The following TTF2 variants were observed in gnomAD, a reference collection of about 807,000 sequenced individuals.
TTF2 encodes the protein transcription termination factor 2.
In TTF2, 108 loss-of-function variants were observed where a neutral mutation model predicts 142.4. The observed-to-expected ratio is 0.76, with a 90% CI of 0.65 to 0.89. The LOEUF is 0.89. Among genes scored for constraint, TTF2 ranks in the 40% least tolerant of loss-of-function variants. The pLI is 0.00. For synonymous variants in TTF2, 483 were observed against 506.2 expected (o/e 0.95, Z 0.61); for missense variants, 1,327 against 1,379.8 (o/e 0.96, Z 0.61).
rs1445489411 is a variant in TTF2 at position 117,080,134 on chromosome 1, C to T, written c.1783+485C>T. Among the ~76,000 whole-genome samples the T allele has an allele frequency of 2.6e-5, 4 of 151,968 alleles. No homozygotes were observed. The highest frequency in any genetic ancestry group is 5.9e-5 in the Non-Finnish European group (4 of 68,014). ...AAGTGATTCTCCTGCCTCACCCTCCCCAGTAGCTGGGATTACAGGCAGATG... is the reference window on the plus strand; with the variant it reads ...AAGTGATTCTCCTGCCTCACCCTCCTCAGTAGCTGGGATTACAGGCAGATG... On this transcript the variant is annotated intron_variant, in intron 9 of 22. Coordinates refer to ENST00000369466, the MANE Select transcript of TTF2 (RefSeq NM_003594.4). This position sits in a 1 kb window ranked among gnomAD's most constrained non-coding sequence, Gnocchi z 4.3.
chr1:117,060,427 A>G lies in TTF2; in HGVS notation c.29-28A>G, dbSNP rs377349017. On this transcript the variant is annotated intron_variant, in intron 1 of 22. Coordinates refer to ENST00000369466, the MANE Select transcript of TTF2 (RefSeq NM_003594.4). ...GGGCCTGTTGATTTAGCGTGGCGTAATCGTTGTTCACTTTCTTCTCTCTTC... is the reference window on the plus strand; with the variant it reads ...GGGCCTGTTGATTTAGCGTGGCGTAGTCGTTGTTCACTTTCTTCTCTCTTC... 2.5e-6 allele frequency: 4 copies of G among 1,610,758 alleles called. No homozygotes were observed. In the African/African-American group the frequency reaches 4.0e-5, roughly 16 times the overall value.
chr1:117,071,897 T>C (rs902545258), intron 3 of TTF2, among the ~76,000 whole-genome samples: 1 of 152,128 alleles, frequency 6.6e-6, no homozygotes, highest in Non-Finnish European at 1.5e-5. Context: ...TTAAAAGTAA[T>C]GGCACAGAGG....
chr1:117,092,682 G>A lies in TTF2; in HGVS notation c.2806-49G>A, dbSNP rs1428459037. ...CAAAACATCATCAACAAGTAACAAG[G>A]TTTGCTCCCTTGACTCCCAGCTGCT... On this transcript the variant is annotated intron_variant, in intron 17 of 22. Coordinates refer to ENST00000369466, the MANE Select transcript of TTF2 (RefSeq NM_003594.4). The surrounding 1 kb of genome is among the most constrained non-coding windows in gnomAD (Gnocchi z 4.4). The A allele has an allele frequency of 1.3e-6, 2 of 1,581,544 alleles. No homozygotes were observed.
intron 8 of TTF2, 55 bp downstream of exon 8, chr1:117,078,098 C>T: frequency 8.2e-6 from 13 of 1,584,850 alleles, no homozygotes; most frequent in Non-Finnish European, 1.1e-5. Flanking sequence ...CCAGCAGCCC[C>T]ATGAAACTGC....
At position 117,090,303 on chromosome 1, in the gene TTF2, A is replaced by G; in HGVS notation, c.2496+95A>G. The G allele has an allele frequency of 5.3e-6, 8 of 1,508,560 alleles. No individual in the cohort carries two copies. Among genetic ancestry groups the G allele is most frequent in the Non-Finnish European group, 1.8e-6 (2 of 1,120,998 alleles). The allele number at this position is 1,508,560 out of a possible 1,614,324, so 93.4% of individuals were successfully genotyped here. A position where few individuals can be genotyped will look rare whatever the true frequency, so the allele number is the denominator to read the frequency against. ...GAACAGCCATCTGCTTTGCTTCAGG[A>G]GCCTCTGAGTTTCCCATCCTCCTGT... On this transcript the variant is annotated intron_variant, in intron 14 of 22. Coordinates refer to ENST00000369466, the MANE Select transcript of TTF2 (RefSeq NM_003594.4). This position sits in a 1 kb window ranked among gnomAD's most constrained non-coding sequence, Gnocchi z 4.8.
chr1:117,098,929 C>T, intron 22 of TTF2, 22 bp downstream of exon 22: 1 of 1,600,300 alleles, frequency 6.2e-7, no homozygotes. Context: ...TCCCCAGGAC[C>T]CAGGACCCTT....
At position 117,090,713 on chromosome 1, in the gene TTF2, T is replaced by G. The variant is rs1295932608; in HGVS notation, c.2588+90T>G. The G allele has an allele frequency of 7.3e-6, 8 of 1,094,018 alleles. No individual in the cohort carries two copies. Among genetic ancestry groups the G allele is most frequent in the Non-Finnish European group, 2.7e-6 (2 of 741,726 alleles). 67.8% of individuals were successfully genotyped at this position (1,094,018 alleles called of 1,614,324 possible). On this transcript the variant is annotated intron_variant, in intron 15 of 22. Coordinates refer to ENST00000369466, the MANE Select transcript of TTF2 (RefSeq NM_003594.4). This position sits in a 1 kb window ranked among gnomAD's most constrained non-coding sequence, Gnocchi z 4.8. The stretch of plus-strand genomic sequence containing the variant: ...AGTTGAAGGTCAAATTTCCACAAAC[T>G]TTATGGCATTATTGATTAGTTGGAT...
rs148836422 is a variant in TTF2, at chr1:117,100,117, C to T, written c.3344+1210C>T. On this transcript the variant is annotated intron_variant, in intron 22 of 22. Coordinates refer to ENST00000369466, the MANE Select transcript of TTF2 (RefSeq NM_003594.4). This position sits in a 1 kb window ranked among gnomAD's most constrained non-coding sequence, Gnocchi z 4.6. ...ATAAAACATACCTTTTGAGCACCCA[C>T]TATGTAGCAAGTATAATTACATGTT... 1.1e-4 allele frequency among the ~76,000 whole-genome samples: 17 copies of T among 152,316 alleles called. No homozygotes were observed. Among genetic ancestry groups the T allele is most frequent in the African/African-American group, 3.6e-4 (15 of 41,576 alleles).
intron 2 of TTF2, among the ~76,000 whole-genome samples, 187 bp downstream of exon 2, chr1:117,060,744 C>T (rs1325121235): frequency 6.6e-6 from 1 of 152,210 alleles, no homozygotes; most frequent in Non-Finnish European, 1.5e-5. Context: ...CCAGCTAATT[C>T]TGGCTGTGTG....
rs746959114 is a variant in TTF2 at position 117,092,889 on chromosome 1, A to G, written c.2964A>G (p.Arg988=). 5.6e-6 allele frequency: 9 copies of G among 1,614,068 alleles called. No homozygotes were observed. In the African/African-American group the frequency reaches 1.1e-4, roughly 19 times the overall value. The part of the protein sequence containing the change: ...FFKMELFEGM[R]ESTKISSLLA... The stretch of plus-strand genomic sequence containing the variant: ...AGATGGAGCTTTTTGAAGGCATGCG[A>G]GAGAGCACCAAGGTACTTTTTGTCT... Residue 988 remains arginine (R), a synonymous_variant, in exon 18 of 23, where the codon CGA becomes CGG. Transcript: ENST00000369466. This position sits in a 1 kb window ranked among gnomAD's most constrained non-coding sequence, Gnocchi z 4.4.
rs1169132373 is a variant in TTF2, at chr1:117,100,114, CCACT to C, written c.3344+1208_3344+1211del. Among the ~76,000 whole-genome samples the C allele has an allele frequency of 1.2e-4, 19 of 152,166 alleles. No individual in the cohort carries two copies. The highest frequency in any genetic ancestry group is 3.2e-3 in the Middle Eastern group (1 of 316). Reference sequence around the variant, plus strand: ...CCCATAAAACATACCTTTTGAGCACCCACTATGTAGCAAGTATAATTACATGTTT... The same window carrying C: ...CCCATAAAACATACCTTTTGAGCACCATGTAGCAAGTATAATTACATGTTT... On this transcript the variant is annotated intron_variant, in intron 22 of 22. Coordinates refer to ENST00000369466, the MANE Select transcript of TTF2 (RefSeq NM_003594.4). The surrounding 1 kb of genome is among the most constrained non-coding windows in gnomAD (Gnocchi z 4.6).
At chr1:117,095,710 C>T (rs1393690694) in intron 19 of TTF2, among the ~76,000 whole-genome samples, 1 of 152,176 alleles carries the variant, frequency 6.6e-6, no homozygotes, top group Non-Finnish European at 1.5e-5. Flanking sequence ...ATGTGCTATA[C>T]ACCTGCATTA....
At chr1:117,069,739 C>T (rs1252962600) in intron 3 of TTF2, among the ~76,000 whole-genome samples, 1 of 152,176 alleles carries the variant, frequency 6.6e-6, no homozygotes, top group Non-Finnish European at 1.5e-5. Context: ...GTTCTGGAGC[C>T]TGAGAGAACT....
rs1216275015 is a variant in TTF2 at position 117,105,391 on chromosome 1, A to C, written c.*3867A>C. The C allele has an allele frequency of 6.6e-6, 1 of 152,254 alleles. No individual in the cohort carries two copies. The highest frequency in any genetic ancestry group is 1.5e-5 in the Non-Finnish European group (1 of 68,074). The allele number at this position is 152,254 out of a possible 1,614,324, so 9.4% of individuals were successfully genotyped here. ...AGTATTGTGCATGCCGCAGCTAGAC[A>C]GAGTCCTGGGCCCTTTAAAAACCTT... On this transcript the variant is annotated 3_prime_UTR_variant, in exon 23 of 23. Transcript: ENST00000369466. The surrounding 1 kb of genome is among the most constrained non-coding windows in gnomAD (Gnocchi z 4.7).
chr1:117,096,034 C>CA, intron 19 of TTF2, 115 bp from the exon 20 acceptor site: 1 of 1,224,840 alleles, frequency 8.2e-7, no homozygotes, highest in Non-Finnish European at 1.1e-6. Context: ...AGCAGAAGGC[C>CA]TTTCCTTGTC....
At position 117,080,029 on chromosome 1, in the gene TTF2, G is replaced by C. The variant is rs543340400; in HGVS notation, c.1783+380G>C. 3.6e-4 allele frequency among the ~76,000 whole-genome samples: 52 copies of C among 143,518 alleles called. 2 individuals are homozygous for C. In the South Asian group the frequency reaches 8.2e-3, roughly 23 times the overall value. The allele number at this position is 143,518 out of a possible 152,430, so 94.2% of individuals were successfully genotyped here. On this transcript the variant is annotated intron_variant, in intron 9 of 22. Coordinates refer to ENST00000369466, the MANE Select transcript of TTF2 (RefSeq NM_003594.4). The surrounding 1 kb of genome is among the most constrained non-coding windows in gnomAD (Gnocchi z 4.3). ...CCCTCTTTTTTTTTTTTTTTTTTGA[G>C]ATGGAGTTTCGCTCTTGTCACCCAG...
At chr1:117,078,709 C>T (rs1422340864) in intron 8 of TTF2, among the ~76,000 whole-genome samples, 1 of 152,186 alleles carries the variant, frequency 6.6e-6, no homozygotes, top group East Asian at 1.9e-4. Flanking sequence ...AGTATGGAAT[C>T]GCTGTAGCAT....
rs773999127 is a variant in TTF2 at position 117,088,944 on chromosome 1, C to A, written c.2304C>A (p.Pro768=). 3 of 1,613,012 alleles carry A rather than the reference C, an allele frequency of 1.9e-6. No homozygotes were observed. The highest frequency in any genetic ancestry group is 2.2e-5 in the South Asian group (2 of 90,866). The change falls in exon 13 of 23, where the codon CCC becomes CCA. Residue 768 remains proline, a synonymous_variant. Coordinates refer to ENST00000369466, the MANE Select transcript of TTF2 (RefSeq NM_003594.4). ...CCCGTTGGGCTGTCACTGGAACCCC[C>A]ATTCAAAACAACTTATTGGATATGT... is the stretch of plus-strand genomic sequence containing the variant. ...ACARWAVTGT[P]IQNNLLDMYS...
Position 117,076,249 on chromosome 1 carries a change from G to C in TTF2, c.1345G>C (p.Glu449Gln). Residue 449 changes from glutamate to glutamine, a missense_variant, in exon 6 of 23, where the codon GAG becomes CAG. By Grantham distance (29) the Glu-to-Gln change is conservative. Transcript: ENST00000369466. The surrounding 1 kb of genome is among the most constrained non-coding windows in gnomAD (Gnocchi z 4.6). ...KGQKLIKQIQELEEVLSGLTL... is the reference protein window; with the variant it reads ...KGQKLIKQIQQLEEVLSGLTL... ...TCAGAAGTTGATCAAACAAATCCAG[G>C]AGCTGGAGGAAGTACTCAGTGGTCT... The C allele has an allele frequency of 6.2e-7, 1 of 1,613,992 alleles. No homozygotes were observed. Among genetic ancestry groups the C allele is most frequent in the Non-Finnish European group, 8.5e-7 (1 of 1,179,870 alleles).
Sources: gnomAD v4.1 joint callset for allele counts (sites outside exome capture counted in the v4.1 genomes callset) on GRCh38, gnomAD v4.1.1 for gene constraint, Gnocchi (gnomAD v3.1) non-coding constraint, MANE v1.5 for transcripts, NCBI Gene and HGNC (gene_info 2026-07-23, HGNC 2026-07-21) for gene names.